The following TMX4 variants were observed in gnomAD, a reference collection of about 807,000 sequenced individuals.
TMX4 encodes thioredoxin-related transmembrane protein 4.
TMX4 carries 23 observed loss-of-function variants against 33.3 expected under a neutral mutation model. The observed-to-expected ratio is 0.69, with a 90% confidence interval of 0.50 to 0.98. TMX4 has a LOEUF of 0.98. TMX4 is among the 50% of genes least tolerant of loss of function. TMX4 has a pLI of 0.00. For missense variants in TMX4, 399 were observed against 448.9 expected, an observed-to-expected ratio of 0.89 and a Z score of 1.01; for synonymous variants, 164 against 161.5, an observed-to-expected ratio of 1.02 and a Z score of -0.12.
At chr20:7,990,821 C>T (rs2050651231) in intron 5 of TMX4, among the ~76,000 whole-genome samples, 1 of 152,226 alleles carries the variant, frequency 6.6e-6, no homozygotes, top group African/African-American at 2.4e-5. Flanking sequence ...AGAAAAGACT[C>T]TTCAATGATG....
chr20:7,982,834 C>T (rs1236100180), intron 7 of TMX4, among the ~76,000 whole-genome samples: 2 of 152,178 alleles, frequency 1.3e-5, no homozygotes, highest in African/African-American at 2.4e-5. Context: ...ACCATAATGA[C>T]TTCAGCAGGG....
intron 5 of TMX4, among the ~76,000 whole-genome samples, chr20:7,994,428 G>A (rs557639658): frequency 1.3e-4 from 20 of 152,130 alleles, no homozygotes; most frequent in African/African-American, 4.6e-4. Flanking sequence ...CACTCTAAAT[G>A]TTACACATTG....
intron 1 of TMX4, among the ~76,000 whole-genome samples, chr20:8,017,152 A>T (rs1025023626): frequency 2.0e-5 from 3 of 152,214 alleles, no homozygotes; most frequent in African/African-American, 7.2e-5. Context: ...ACAGAAAAAA[A>T]TAGATCACAA....
intron 5 of TMX4, among the ~76,000 whole-genome samples, chr20:7,993,697 A>T (rs1473486244): frequency 6.6e-6 from 1 of 152,126 alleles, no homozygotes; most frequent in Non-Finnish European, 1.5e-5. Flanking sequence ...TCTAAGAATA[A>T]ATCACAAAAG....
At chr20:7,983,709 G>A in intron 7 of TMX4, 85 bp downstream of exon 7, 1 of 1,050,476 alleles carries the variant, frequency 9.5e-7, no homozygotes, top group Non-Finnish European at 1.4e-6. Flanking sequence ...AAATCACAGA[G>A]AAAACCCACT....
At chr20:8,011,789 C>T (rs1399713567) in intron 1 of TMX4, among the ~76,000 whole-genome samples, 1 of 152,078 alleles carries the variant, frequency 6.6e-6, no homozygotes, top group African/African-American at 2.4e-5. Flanking sequence ...ATAGCTAATT[C>T]CAAGATCATG....
At chr20:7,995,787 TCAC>T (rs1568535609) in intron 5 of TMX4, among the ~76,000 whole-genome samples, 1 of 151,692 alleles carries the variant, frequency 6.6e-6, no homozygotes. Context: ...ATGAAAGACT[TCAC>T]CACTGATTTA....
chr20:7,985,191 CTT>C (rs1215002045), intron 6 of TMX4, among the ~76,000 whole-genome samples: 2 of 149,306 alleles, frequency 1.3e-5, no homozygotes, highest in Non-Finnish European at 3.0e-5. Flanking sequence ...TGTGTGTTTA[CTT>C]TAATATACTT....
chr20:8,019,007 G>A (rs750627675), intron 1 of TMX4: 1 of 451,678 alleles, frequency 2.2e-6, no homozygotes. Flanking sequence ...GGATGTCACT[G>A]AATGTCCTTT....
At chr20:7,996,184 C>A in intron 4 of TMX4, 113 bp from the exon 5 acceptor site, 1 of 754,952 alleles carries the variant, frequency 1.3e-6, no homozygotes, top group East Asian at 2.7e-5. Flanking sequence ...AATATTGCCC[C>A]CTCTCCCAGA....
At chr20:7,999,050 GTTTC>G (rs1004315407) in intron 4 of TMX4, among the ~76,000 whole-genome samples, 1 of 152,120 alleles carries the variant, frequency 6.6e-6, no homozygotes, top group African/African-American at 2.4e-5. Flanking sequence ...TAAGCTATGT[GTTTC>G]CTTAATATTA....
chr20:8,011,030 C>A (rs183341416), intron 1 of TMX4, among the ~76,000 whole-genome samples: 1 of 152,012 alleles, frequency 6.6e-6, no homozygotes, highest in African/African-American at 2.4e-5. Flanking sequence ...CAGAAATGAA[C>A]AGAGATAAGC....
intron 1 of TMX4, chr20:8,019,097 A>C: frequency 2.1e-6 from 1 of 480,666 alleles, no homozygotes; most frequent in African/African-American, 2.0e-5. Context: ...CCCTATGGGA[A>C]GCTGCCCACT....
chr20:7,978,296 G>T lies in TMX4; in HGVS notation c.*3955C>A, dbSNP rs554542773. 2 of 152,058 alleles carry T rather than the reference G, an allele frequency of 1.3e-5. No homozygotes were observed. The highest frequency in any genetic ancestry group is 2.9e-5 in the Non-Finnish European group (2 of 68,014). 9.4% of individuals were successfully genotyped at this position (152,058 alleles called of 1,614,324 possible). On this transcript the variant is annotated 3_prime_UTR_variant, in exon 8 of 8. Transcript: ENST00000246024. ...TTTATGCTGAAATCTCAGGTTTGCC[G>T]TAACTTTTCCACCTTTTTTTAAAAT...
chr20:7,978,058 A>G lies in TMX4; in HGVS notation c.*4193T>C, dbSNP rs1440295610. 6.6e-6 allele frequency: 1 copy of G among 152,220 alleles called. No individual in the cohort carries two copies. The highest frequency in any genetic ancestry group is 1.5e-5 in the Non-Finnish European group (1 of 68,038). The allele number at this position is 152,220 out of a possible 1,614,324, so 9.4% of individuals were successfully genotyped here. On this transcript the variant is annotated 3_prime_UTR_variant, in exon 8 of 8. Transcript: ENST00000246024. The stretch of plus-strand genomic sequence containing the variant: ...ATCAAAATGTAGGACTGAGGTAAAG[A>G]GATATTAAACAAGAAGGAACTTTTC...
At chr20:7,985,714 A>T (rs1159847274) in intron 6 of TMX4, among the ~76,000 whole-genome samples, 2 of 152,138 alleles carry the variant, frequency 1.3e-5, no homozygotes, top group Non-Finnish European at 2.9e-5. Flanking sequence ...TATTTTGTTA[A>T]ATAAAGTTAT....
chr20:7,982,202 A>T lies in TMX4; in HGVS notation c.*49T>A. ...TTGGTACAAACTGCAGGCCAAAGGG[A>T]AGCTGACATATTGTTTTGGTGTGTA... On this transcript the variant is annotated 3_prime_UTR_variant, in exon 8 of 8. Transcript: ENST00000246024. The T allele has an allele frequency of 1.3e-6, 2 of 1,556,826 alleles. No homozygotes were observed. Among genetic ancestry groups the T allele is most frequent in the Non-Finnish European group, 1.7e-6 (2 of 1,149,338 alleles).
At chr20:7,993,722 G>C (rs974718996) in intron 5 of TMX4, among the ~76,000 whole-genome samples, 3 of 152,018 alleles carry the variant, frequency 2.0e-5, no homozygotes, top group African/African-American at 7.3e-5. Context: ...CAAGAGGCTT[G>C]GGGAGGCTAC....
chr20:7,994,880 G>C (rs1203335475), intron 5 of TMX4, among the ~76,000 whole-genome samples: 1 of 152,180 alleles, frequency 6.6e-6, no homozygotes, highest in Admixed American at 6.5e-5. Context: ...CCAATGTTAA[G>C]AAAGCAGCAG....
Sources: allele counts gnomAD v4.1 joint callset (sites outside exome capture counted in the v4.1 genomes callset), GRCh38; gene constraint gnomAD v4.1.1; transcripts MANE v1.5; gene names NCBI Gene and HGNC (gene_info 2026-07-23, HGNC 2026-07-21).